The following BTBD9 variants were observed in gnomAD, a reference collection of about 807,000 sequenced individuals.
BTBD9 encodes BTB domain containing 9.
Under a neutral mutation model 64.3 loss-of-function variants are expected in BTBD9, and 49 were observed. The ratio of observed to expected loss-of-function variants is 0.76; its 90% CI spans 0.61 to 0.97. BTBD9 has a LOEUF of 0.97. Among genes scored for constraint, BTBD9 ranks in the 50% least tolerant of loss-of-function variants. BTBD9 has a pLI of 0.00. For missense variants in BTBD9, 598 were observed against 762.1 expected (o/e 0.78, Z 2.53); for synonymous variants, 260 against 274.7 (o/e 0.95, Z 0.53).
intron 6 of BTBD9, among the ~76,000 whole-genome samples, chr6:38,546,541 G>A (rs1383091288): frequency 2.0e-5 from 3 of 152,112 alleles, no homozygotes; most frequent in Non-Finnish European, 4.4e-5. Flanking sequence ...TCCATTTTGA[G>A]CAAGTATATT....
chr6:38,183,891 T>C (rs184989385), intron 10 of BTBD9, among the ~76,000 whole-genome samples: 2 of 152,310 alleles, frequency 1.3e-5, no homozygotes, highest in East Asian at 3.9e-4. Context: ...GTCTGATTTA[T>C]GGAGGGGTTA....
At chr6:38,194,500 A>G (rs1462848972) in intron 9 of BTBD9, among the ~76,000 whole-genome samples, 1 of 152,162 alleles carries the variant, frequency 6.6e-6, no homozygotes, top group Non-Finnish European at 1.5e-5. Context: ...GAAGAAACTG[A>G]GCAAAGATTT....
At chr6:38,555,913 GAACA>G (rs1294312091) in intron 6 of BTBD9, among the ~76,000 whole-genome samples, 3 of 152,056 alleles carry the variant, frequency 2.0e-5, no homozygotes, top group Admixed American at 6.6e-5. Flanking sequence ...TACATCTTCC[GAACA>G]ATCAGTAAAA....
At chr6:38,175,987 C>G (rs908251808) in intron 10 of BTBD9, among the ~76,000 whole-genome samples, 6 of 152,254 alleles carry the variant, frequency 3.9e-5, no homozygotes, top group Non-Finnish European at 5.9e-5. Flanking sequence ...GACAGCAGGT[C>G]AGCCTGGAAG....
At chr6:38,275,815 T>G (rs1327540706) in intron 8 of BTBD9, among the ~76,000 whole-genome samples, 1 of 151,968 alleles carries the variant, frequency 6.6e-6, no homozygotes, top group Non-Finnish European at 1.5e-5. Flanking sequence ...CTCACACCAG[T>G]TAGAATGGCG....
At position 38,516,133 on chromosome 6, in the gene BTBD9, C is replaced by T. The variant is rs966949075; in HGVS notation, c.1154+61467G>A. On this transcript the variant is annotated intron_variant, in intron 6 of 10. Coordinates refer to ENST00000481247, the MANE Select transcript of BTBD9 (RefSeq NM_001099272.2). ...AAATATCTCACCTTAATCAGCCCTA[C>T]AAGTAGCCTCACCTCAGGGCAGGAA... Among the ~76,000 whole-genome samples, 4 of 133,882 alleles carry T rather than the reference C, an allele frequency of 3.0e-5. No individual in the cohort carries two copies. The Admixed American group carries it at 3.0e-4, about 10-fold the overall frequency. 87.8% of individuals were successfully genotyped at this position (133,882 alleles called of 152,430 possible).
At chr6:38,519,065 G>A (rs545117104) in intron 6 of BTBD9, among the ~76,000 whole-genome samples, 2 of 152,294 alleles carry the variant, frequency 1.3e-5, no homozygotes, top group East Asian at 3.9e-4. Flanking sequence ...TTCAATTAGT[G>A]TAATTCAACT....
chr6:38,423,261 T>TC (rs34296586), intron 6 of BTBD9, among the ~76,000 whole-genome samples: 8 of 151,598 alleles, frequency 5.3e-5, no homozygotes, highest in African/African-American at 1.7e-4. Context: ...AGAGACTCTG[T>TC]CCCCCCCAAA....
intron 1 of BTBD9, among the ~76,000 whole-genome samples, chr6:38,620,992 G>A (rs773717395): frequency 2.0e-5 from 3 of 152,214 alleles, no homozygotes; most frequent in Non-Finnish European, 4.4e-5. Context: ...ATGCCAGAGA[G>A]AGAGCAGGAA....
chr6:38,179,763 A>G (rs1761463214), intron 10 of BTBD9: 2 of 456,716 alleles, frequency 4.4e-6, no homozygotes, highest in Non-Finnish European at 8.8e-6. Flanking sequence ...TTCTACCAGC[A>G]CGGGATCAGT....
intron 6 of BTBD9, among the ~76,000 whole-genome samples, chr6:38,418,061 G>C (rs1767753643): frequency 8.3e-6 from 1 of 120,986 alleles, no homozygotes; most frequent in Admixed American, 8.5e-5. Flanking sequence ...ATTGAAGAAT[G>C]CTTTTTTCTA....
chr6:38,490,428 C>G (rs1384828408), intron 6 of BTBD9, among the ~76,000 whole-genome samples: 3 of 152,158 alleles, frequency 2.0e-5, no homozygotes, highest in Admixed American at 2.0e-4. Flanking sequence ...TCAAGAGATT[C>G]TCCTGCCTCA....
chr6:38,269,830 C>T (rs1365901660), intron 8 of BTBD9, among the ~76,000 whole-genome samples: 2 of 152,170 alleles, frequency 1.3e-5, no homozygotes, highest in Non-Finnish European at 2.9e-5. Context: ...GCAAGAATTG[C>T]CTTTCTAGAA....
chr6:38,504,395 C>T lies in BTBD9; in HGVS notation c.1154+73205G>A, dbSNP rs1466118360. The T allele has an allele frequency of 1.1e-5, 4 of 356,422 alleles. No individual in the cohort carries two copies. In the Admixed American group the frequency reaches 1.4e-4, roughly 12 times the overall value. 22.1% of individuals were successfully genotyped at this position (356,422 alleles called of 1,614,324 possible). A position where few individuals can be genotyped will look rare whatever the true frequency, so the allele number is the denominator to read the frequency against. On this transcript the variant is annotated intron_variant, in intron 6 of 10. Coordinates refer to ENST00000481247, the MANE Select transcript of BTBD9 (RefSeq NM_001099272.2). ...TACAAACTTCCTCATGTTACCACTA[C>T]CCAAACTACAAAATTATGGGCATCT...
intron 1 of BTBD9, among the ~76,000 whole-genome samples, chr6:38,631,220 C>T (rs1438842313): frequency 6.6e-6 from 1 of 152,196 alleles, no homozygotes; most frequent in East Asian, 1.9e-4. Context: ...TTAAAAACCA[C>T]TACCTTTTCT....
intron 9 of BTBD9, among the ~76,000 whole-genome samples, chr6:38,248,729 C>T (rs573058498): frequency 2.3e-4 from 35 of 152,282 alleles, no homozygotes; most frequent in East Asian, 9.6e-4. Context: ...AGGCACAGTT[C>T]GCTCTCCCTT....
At chr6:38,469,805 C>T (rs1449606242) in intron 6 of BTBD9, among the ~76,000 whole-genome samples, 2 of 152,166 alleles carry the variant, frequency 1.3e-5, no homozygotes, top group African/African-American at 4.8e-5. Context: ...ACAGCCACAT[C>T]TTTTGCCCTT....
chr6:38,596,389 T>A (rs1016604016), intron 2 of BTBD9, among the ~76,000 whole-genome samples: 1 of 152,208 alleles, frequency 6.6e-6, no homozygotes, highest in Non-Finnish European at 1.5e-5. Context: ...TTTTTAAGGA[T>A]ATACTAATCA....
chr6:38,259,934 A>G lies in BTBD9; in HGVS notation c.1455-3418T>C, dbSNP rs146603730. Among the ~76,000 whole-genome samples the G allele has an allele frequency of 3.2e-3, 486 of 152,344 alleles. 3 individuals are homozygous for G. Among genetic ancestry groups the G allele is most frequent in the African/African-American group, 0.011 (446 of 41,578 alleles). On this transcript the variant is annotated intron_variant, in intron 8 of 10. Transcript: ENST00000481247. Reference sequence around the variant, plus strand: ...TTAAGTGGCCCAAAATTCTACTCTTAGATTACACTAATTTTCTTATAAGAA... The same window carrying G: ...TTAAGTGGCCCAAAATTCTACTCTTGGATTACACTAATTTTCTTATAAGAA...
Sources: gnomAD v4.1 joint callset for allele counts (sites outside exome capture counted in the v4.1 genomes callset) on GRCh38, gnomAD v4.1.1 for gene constraint, MANE v1.5 for transcripts, NCBI Gene and HGNC (gene_info 2026-07-23, HGNC 2026-07-21) for gene names.